CNTNAP2: variants seen among roughly 807,000 people sequenced by gnomAD.
CNTNAP2 encodes contactin-associated protein-like 2.
Under a neutral mutation model 155.2 loss-of-function variants are expected in CNTNAP2, and 98 were observed. The ratio of observed to expected loss-of-function variants is 0.63; its 90% CI spans 0.54 to 0.75. CNTNAP2 has a LOEUF of 0.75. CNTNAP2 is among the 30% of genes least tolerant of loss of function. The probability of loss-of-function intolerance (pLI) is 0.00; values close to 1 mark genes in which losing one functional copy is unlikely to be tolerated. For synonymous variants in CNTNAP2, 651 were observed against 631.2 expected (o/e 1.03, Z -0.47); for missense variants, 1,727 against 1,688.1 (o/e 1.02, Z -0.40).
chr7:147,223,306 G>C (rs1803447906), intron 8 of CNTNAP2, among the ~76,000 whole-genome samples: 1 of 152,150 alleles, frequency 6.6e-6, no homozygotes, highest in African/African-American at 2.4e-5. Flanking sequence ...TCTATAGTGA[G>C]ACAGAATACT....
chr7:146,786,256 T>G (rs1284050300), intron 2 of CNTNAP2, among the ~76,000 whole-genome samples: 1 of 114,618 alleles, frequency 8.7e-6, no homozygotes, highest in Non-Finnish European at 1.6e-5. Flanking sequence ...TTTATTTTAC[T>G]TATTAAGAGG....
chr7:147,064,219 T>A (rs970330870), intron 4 of CNTNAP2, among the ~76,000 whole-genome samples: 1 of 138,718 alleles, frequency 7.2e-6, no homozygotes, highest in South Asian at 2.3e-4. Flanking sequence ...CTAGAAATAG[T>A]GTATTGAGTG....
chr7:148,024,450 C>T (rs1396752505), intron 15 of CNTNAP2, among the ~76,000 whole-genome samples: 3 of 152,198 alleles, frequency 2.0e-5, no homozygotes, highest in Non-Finnish European at 4.4e-5. Flanking sequence ...CCAAATGTTT[C>T]AGCCTTGGGG....
chr7:147,272,997 T>C (rs371358716), intron 8 of CNTNAP2, among the ~76,000 whole-genome samples: 64 of 151,688 alleles, frequency 4.2e-4, no homozygotes, highest in African/African-American at 1.5e-3. Context: ...CTCCTGTTTT[T>C]AGCTATTCTT....
At chr7:147,962,665 A>G (rs1260421394) in intron 14 of CNTNAP2, among the ~76,000 whole-genome samples, 1 of 152,254 alleles carries the variant, frequency 6.6e-6, no homozygotes, top group East Asian at 1.9e-4. Context: ...GTAAACACCT[A>G]AGTGAATATT....
chr7:147,654,039 T>C (rs1795488588), intron 13 of CNTNAP2, among the ~76,000 whole-genome samples: 1 of 152,130 alleles, frequency 6.6e-6, no homozygotes, highest in South Asian at 2.1e-4. Context: ...CAGTTATAAA[T>C]TTGCATAAAG....
intron 1 of CNTNAP2, among the ~76,000 whole-genome samples, chr7:146,358,863 A>G (rs993777207): frequency 1.3e-5 from 2 of 152,184 alleles, no homozygotes; most frequent in African/African-American, 4.8e-5. Context: ...CTGGGTTATG[A>G]GGCTGGAGTG....
chr7:146,358,767 A>G (rs1266064080), intron 1 of CNTNAP2, among the ~76,000 whole-genome samples: 1 of 152,212 alleles, frequency 6.6e-6, no homozygotes, highest in Non-Finnish European at 1.5e-5. Context: ...ACTAAATTTA[A>G]AATAAACTGA....
chr7:146,228,191 G>A (rs565241817), intron 1 of CNTNAP2, among the ~76,000 whole-genome samples: 3 of 152,302 alleles, frequency 2.0e-5, no homozygotes, highest in African/African-American at 7.2e-5. Flanking sequence ...GGGGATAAGT[G>A]TGTGACACTG....
intron 13 of CNTNAP2, among the ~76,000 whole-genome samples, chr7:147,769,817 T>G (rs913285709): frequency 1.3e-5 from 2 of 152,154 alleles, no homozygotes; most frequent in Admixed American, 1.3e-4. Context: ...GATGGAGTCC[T>G]CTGGGTTACA....
intron 3 of CNTNAP2, among the ~76,000 whole-genome samples, chr7:147,020,567 C>G (rs1176829026): frequency 1.3e-5 from 2 of 152,098 alleles, no homozygotes; most frequent in Admixed American, 1.3e-4. Context: ...GACTGCCACA[C>G]TGTGCTGCAT....
chr7:148,232,359 A>G (rs1795979817), intron 20 of CNTNAP2, among the ~76,000 whole-genome samples: 1 of 152,226 alleles, frequency 6.6e-6, no homozygotes, highest in Admixed American at 6.5e-5. Context: ...TCTTAAAACA[A>G]TCTAAAAATC....
intron 15 of CNTNAP2, among the ~76,000 whole-genome samples, chr7:148,000,829 G>T (rs78129870): frequency 0.025 from 3,793 of 152,248 alleles, 166 homozygotes; most frequent in African/African-American, 0.087. Flanking sequence ...AAACTAGAGC[G>T]ACTTCTCTCA....
intron 1 of CNTNAP2, among the ~76,000 whole-genome samples, chr7:146,549,150 C>T (rs1177134424): frequency 6.6e-6 from 1 of 151,336 alleles, no homozygotes; most frequent in Non-Finnish European, 1.5e-5. Context: ...TGGTATCAAG[C>T]CATTTTAACA....
intron 1 of CNTNAP2, among the ~76,000 whole-genome samples, chr7:146,312,446 C>A (rs1018880942): frequency 1.4e-4 from 21 of 152,024 alleles, no homozygotes; most frequent in African/African-American, 5.1e-4. Flanking sequence ...ATTTTATTGA[C>A]AATATTTATG....
At chr7:148,347,924 T>C (rs1442200958) in intron 21 of CNTNAP2, among the ~76,000 whole-genome samples, 1 of 152,250 alleles carries the variant, frequency 6.6e-6, no homozygotes, top group African/African-American at 2.4e-5. Context: ...CCTGTAGTTC[T>C]CGTCAATTCA....
At chr7:147,258,893 A>G (rs1804392188) in intron 8 of CNTNAP2, among the ~76,000 whole-genome samples, 1 of 152,232 alleles carries the variant, frequency 6.6e-6, no homozygotes, top group East Asian at 1.9e-4. Flanking sequence ...CCTTTTCTCA[A>G]TCTGGATTGT....
At chr7:147,182,034 A>G (rs538205727) in intron 8 of CNTNAP2, among the ~76,000 whole-genome samples, 1 of 149,752 alleles carries the variant, frequency 6.7e-6, no homozygotes, top group Non-Finnish European at 1.5e-5. Context: ...CTGAGGCAGG[A>G]GAATTGCTTG....
At chr7:148,254,458 G>C (rs1361176440) in intron 20 of CNTNAP2, among the ~76,000 whole-genome samples, 2 of 152,076 alleles carry the variant, frequency 1.3e-5, no homozygotes, top group Admixed American at 1.3e-4. Context: ...AATTCTCAAA[G>C]TTCTTTATTC....
Sources: gnomAD v4.1 joint callset for allele counts (sites outside exome capture counted in the v4.1 genomes callset) on GRCh38, gnomAD v4.1.1 for gene constraint, MANE v1.5 for transcripts, NCBI Gene and HGNC (gene_info 2026-07-23, HGNC 2026-07-21) for gene names.